The following EXOSC7 variants were observed in gnomAD, a reference collection of about 807,000 sequenced individuals.
EXOSC7 encodes exosome complex component RRP42.
A neutral mutation model predicts 34.3 loss-of-function variants in EXOSC7; 25 were observed. The observed-to-expected ratio is 0.73, with a 90% CI of 0.53 to 1.02. EXOSC7 has a LOEUF of 1.02. EXOSC7 is among the 50% of genes least tolerant of loss of function. The probability of loss-of-function intolerance (pLI) is 0.00; values close to 1 mark genes in which losing one functional copy is unlikely to be tolerated. For synonymous variants in EXOSC7, 130 were observed against 143.0 expected, an observed-to-expected ratio of 0.91 and a Z score of 0.65; for missense variants, 370 against 368.5, an observed-to-expected ratio of 1.00 and a Z score of -0.03.
chr3:44,987,556 A>G (rs1706456371), intron 1 of EXOSC7, among the ~76,000 whole-genome samples: 1 of 152,242 alleles, frequency 6.6e-6, no homozygotes, highest in Non-Finnish European at 1.5e-5. Flanking sequence ...CGACAGAGCC[A>G]TAGTCTAAAA....
At chr3:45,008,444 T>C (rs1707116325) in intron 7 of EXOSC7, among the ~76,000 whole-genome samples, 1 of 152,220 alleles carries the variant, frequency 6.6e-6, no homozygotes, top group Non-Finnish European at 1.5e-5. Flanking sequence ...CTCTTTATCA[T>C]GTTATTTAAA....
intron 5 of EXOSC7, chr3:45,004,074 A>G (rs1474527776): frequency 6.6e-6 from 1 of 152,206 alleles, no homozygotes; most frequent in Non-Finnish European, 1.5e-5. Flanking sequence ...CATCATGAAC[A>G]TTTTGTGCAT....
At chr3:45,003,472 C>T (rs1706943998) in intron 5 of EXOSC7, among the ~76,000 whole-genome samples, 1 of 152,058 alleles carries the variant, frequency 6.6e-6, no homozygotes, top group Non-Finnish European at 1.5e-5. Flanking sequence ...ACTCCTTGGC[C>T]CTTGTCAACA....
intron 4 of EXOSC7, among the ~76,000 whole-genome samples, 191 bp downstream of exon 4, chr3:44,997,443 A>C (rs1706753262): frequency 6.6e-6 from 1 of 152,180 alleles, no homozygotes; most frequent in African/African-American, 2.4e-5. Context: ...TAAGCAGCAT[A>C]TATATAATGC....
At chr3:44,982,242 G>A (rs1356185137) in intron 1 of EXOSC7, among the ~76,000 whole-genome samples, 2 of 152,160 alleles carry the variant, frequency 1.3e-5, no homozygotes, top group African/African-American at 4.8e-5. Context: ...GAATCAGTTT[G>A]GTCTGGTAGT....
At chr3:45,012,173 T>A (rs557037215), downstream of EXOSC7, 8 of 152,198 alleles carry the variant, frequency 5.3e-5, no homozygotes, top group Non-Finnish European at 1.2e-4. Context: ...GCCTTTGTTT[T>A]TTTTTCTAGG....
chr3:44,997,758 T>C (rs1385934689), intron 4 of EXOSC7, among the ~76,000 whole-genome samples: 1 of 152,212 alleles, frequency 6.6e-6, no homozygotes, highest in African/African-American at 2.4e-5. Context: ...GTAGTGCTGT[T>C]GAGTCTCAAA....
At chr3:44,982,416 G>T in intron 1 of EXOSC7, among the ~76,000 whole-genome samples, 1 of 152,174 alleles carries the variant, frequency 6.6e-6, no homozygotes, top group African/African-American at 2.4e-5. Context: ...GAGTGCTATG[G>T]CTATGACCTG....
At chr3:44,980,665 C>G (rs905984451) in intron 1 of EXOSC7, among the ~76,000 whole-genome samples, 13 of 152,194 alleles carry the variant, frequency 8.5e-5, no homozygotes, top group African/African-American at 2.9e-4. Context: ...CCTCTACCTC[C>G]TTTTCTTTCC....
At chr3:44,982,053 A>G (rs1392062646) in intron 1 of EXOSC7, among the ~76,000 whole-genome samples, 1 of 152,050 alleles carries the variant, frequency 6.6e-6, no homozygotes, top group Non-Finnish European at 1.5e-5. Flanking sequence ...GCCAAGATTT[A>G]TCCCTTCTCT....
At chr3:45,007,597 A>G in intron 7 of EXOSC7, 22 bp downstream of exon 7, 1 of 1,582,438 alleles carries the variant, frequency 6.3e-7, no homozygotes, top group Non-Finnish European at 8.6e-7. Flanking sequence ...GTTCTGAGGA[A>G]GGTGCAGGGA....
intron 7 of EXOSC7, 25 bp downstream of exon 7, chr3:45,007,600 T>C (rs769254506): frequency 6.4e-7 from 1 of 1,571,948 alleles, no homozygotes; most frequent in African/African-American, 1.4e-5. Flanking sequence ...CTGAGGAAGG[T>C]GCAGGGACCT....
intron 5 of EXOSC7, among the ~76,000 whole-genome samples, chr3:45,003,330 C>T (rs1292710122): frequency 9.6e-5 from 4 of 41,586 alleles, no homozygotes; most frequent in African/African-American, 2.0e-4. Flanking sequence ...AGATACTGTG[C>T]GTGCGTGCGT....
rs1327823235 is a variant in EXOSC7, at chr3:45,003,172, G to C, written c.491+1564G>C. Among the ~76,000 whole-genome samples the C allele has an allele frequency of 2.6e-5, 4 of 152,160 alleles. No homozygotes were observed. The East Asian group carries it at 7.7e-4, about 29-fold the overall frequency. On this transcript the variant is annotated intron_variant, in intron 5 of 7. Transcript: ENST00000265564. Reference sequence around the variant, plus strand: ...CAAGAACAGCCCTGCAGGCAGCAAGGAATGGGGACTCTAAGGCATCAAGTC... The same window carrying C: ...CAAGAACAGCCCTGCAGGCAGCAAGCAATGGGGACTCTAAGGCATCAAGTC...
chr3:44,989,450 TAA>T (rs1462815755), intron 2 of EXOSC7, 98 bp from the exon 3 acceptor site: 2 of 1,029,844 alleles, frequency 1.9e-6, no homozygotes, highest in African/African-American at 3.2e-5. Flanking sequence ...GCACTGCTCC[TAA>T]AAGAGTCCCC....
Position 44,994,279 on chromosome 3 carries a change from T to G in EXOSC7, c.255-2808T>G, listed in dbSNP as rs567758792. ...AAAAAAAAAGATAAGGTCTCCCTTC[T>G]TGTAAAATGAGAGAGTTAGACCATC... On this transcript the variant is annotated intron_variant, in intron 3 of 7. Coordinates refer to ENST00000265564, the MANE Select transcript of EXOSC7 (RefSeq NM_015004.4). 9.9e-5 allele frequency among the ~76,000 whole-genome samples: 15 copies of G among 150,948 alleles called. No individual in the cohort carries two copies. The East Asian group carries it at 1.7e-3, about 18-fold the overall frequency.
chr3:44,994,898 TGTGTGTG>T, intron 3 of EXOSC7, among the ~76,000 whole-genome samples: 2 of 147,184 alleles, frequency 1.4e-5, no homozygotes, highest in African/African-American at 2.6e-5. Flanking sequence ...TGTGTGTGTG[TGTGTGTG>T]TTTTAAGCCA....
At chr3:45,001,442 CAAAA>C in intron 4 of EXOSC7, 92 bp from the exon 5 acceptor site, 1 of 744,680 alleles carries the variant, frequency 1.3e-6, no homozygotes. Flanking sequence ...GACTCTGTCT[CAAAA>C]AAAAAAAAGC....
At chr3:45,007,349 C>T (rs1429985478) in intron 6 of EXOSC7, 71 bp from the exon 7 acceptor site, 2 of 1,549,236 alleles carry the variant, frequency 1.3e-6, no homozygotes, top group East Asian at 4.5e-5. Flanking sequence ...AGATTCCCAC[C>T]ACGAGGCCAT....
Sources: gnomAD v4.1 joint callset for allele counts (sites outside exome capture counted in the v4.1 genomes callset) on GRCh38, gnomAD v4.1.1 for gene constraint, MANE v1.5 for transcripts, NCBI Gene and HGNC (gene_info 2026-07-23, HGNC 2026-07-21) for gene names.